Variants in PRR12 observed in about 807,000 individuals in gnomAD.
PRR12 encodes proline-rich protein 12.
PRR12 carries 12 observed loss-of-function variants against 138.0 expected under a neutral mutation model. The ratio of observed to expected loss-of-function variants is 0.09; its 90% CI spans 0.06 to 0.14. The LOEUF is 0.14. PRR12 is among the 10% of genes least tolerant of loss of function. The pLI is 1.00. For missense variants in PRR12, 2,692 were observed against 2,861.3 expected (o/e 0.94, Z 1.35); for synonymous variants, 1,567 against 1,291.7 (o/e 1.21, Z -4.57).
rs1207709273 is a variant in PRR12 at position 49,616,025 on chromosome 19, A to G, written c.5303A>G (p.Glu1768Gly). The G allele has an allele frequency of 1.3e-6, 2 of 1,554,800 alleles. No homozygotes were observed. Among genetic ancestry groups the G allele is most frequent in the East Asian group, 2.4e-5 (1 of 41,042 alleles). Residue 1768 changes from glutamate to glycine, a missense_variant, in exon 9 of 14, where the codon GAG (glutamate) becomes GGG (glycine). Glu to Gly is a moderately conservative substitution (Grantham distance 98, BLOSUM62 -2). Around this residue, in one of 11 missense-constraint regions of PRR12, gnomAD observed 259 missense variants for 265.1 expected, o/e 0.98. Coordinates refer to ENST00000418929, the MANE Select transcript of PRR12 (RefSeq NM_020719.3). The surrounding 1 kb of genome is among the most constrained non-coding windows in gnomAD (Gnocchi z 4.2). ...RATSGRQTRP[E>G]RSLATGQPAT... ...ACCAGCGGACGGCAGACACGGCCAG[A>G]GCGGAGTCTCGCCACGGGACAACCT... is the stretch of plus-strand genomic sequence containing the variant.
rs377033851 is a variant in PRR12, at chr19:49,596,765, C to T, written c.2430C>T (p.Pro810=). 34 of 1,604,310 alleles carry T rather than the reference C, an allele frequency of 2.1e-5. 1 individual carries two copies. The African/African-American group carries it at 2.8e-4, about 13-fold the overall frequency. Residue 810 remains proline, a synonymous_variant, in exon 4 of 14, where the codon CCC becomes CCT. Coordinates refer to ENST00000418929, the MANE Select transcript of PRR12 (RefSeq NM_020719.3). The surrounding 1 kb of genome is among the most constrained non-coding windows in gnomAD (Gnocchi z 5.6). The part of the protein sequence containing the change: ...QLLPSVLSHA[P]SPSPSASKVG... ...TCCCCTCGGTCCTCAGCCATGCCCCCAGTCCCTCTCCCAGCGCCTCCAAAG... is the reference window on the plus strand; with the variant it reads ...TCCCCTCGGTCCTCAGCCATGCCCCTAGTCCCTCTCCCAGCGCCTCCAAAG...
chr19:49,592,244 G>T (rs1020625815), intron 1 of PRR12, among the ~76,000 whole-genome samples: 9 of 152,182 alleles, frequency 5.9e-5, no homozygotes, highest in Non-Finnish European at 1.3e-4. Flanking sequence ...GTGGGCACGG[G>T]GCCCCGCCCC....
chr19:49,619,722 A>G (rs1276244816), intron 9 of PRR12, among the ~76,000 whole-genome samples: 2 of 148,548 alleles, frequency 1.3e-5, no homozygotes, highest in Admixed American at 1.4e-4. Flanking sequence ...TGTATTTCTT[A>G]GTAGAGACGG....
rs1183822577 is a variant in PRR12, at chr19:49,597,332, G to A, written c.2997G>A (p.Ser999=). 1.9e-6 allele frequency: 3 copies of A among 1,543,772 alleles called. No homozygotes were observed. The highest frequency in any genetic ancestry group is 1.4e-5 in the African/African-American group (1 of 73,138). Residue 999 remains serine, a synonymous_variant, in exon 4 of 14, where the codon TCG becomes TCA. Transcript: ENST00000418929. The surrounding 1 kb of genome is among the most constrained non-coding windows in gnomAD (Gnocchi z 6.3). ...GGCCCTACTGTCCTGGCCGGGCGTC[G>A]GGAGCCGGGCCCGAGACACCGGGCC... The part of the protein sequence containing the change: ...PYGPYCPGRA[S]GAGPETPGLG...
In PRR12 at chr19:49,624,513, T is replaced by C. The variant is rs535455389; in HGVS notation, c.5722-331T>C. On this transcript the variant is annotated intron_variant, in intron 11 of 13. Coordinates refer to ENST00000418929, the MANE Select transcript of PRR12 (RefSeq NM_020719.3). ...CTGGGGTAGGTGGTTAGGATGGGGC[T>C]GAGAATTCTGGGATAGATGGTTAGG... Among the ~76,000 whole-genome samples, 419 of 147,190 alleles carry C rather than the reference T, an allele frequency of 2.8e-3. 3 individuals carry two copies. Among genetic ancestry groups the C allele is most frequent in the South Asian group, 0.023 (109 of 4,734 alleles).
chr19:49,593,859 C>A (rs536296340), intron 2 of PRR12, among the ~76,000 whole-genome samples: 6 of 152,254 alleles, frequency 3.9e-5, no homozygotes, highest in African/African-American at 1.2e-4. Flanking sequence ...TCTTATTTTG[C>A]CCCATTGCCT....
intron 9 of PRR12, among the ~76,000 whole-genome samples, chr19:49,618,036 T>A (rs2080901839): frequency 6.6e-6 from 1 of 152,148 alleles, no homozygotes; most frequent in Non-Finnish European, 1.5e-5. Flanking sequence ...AGGCAGAGGT[T>A]GCAGTGAGCT....
rs1322107889 is a variant in PRR12 at position 49,614,748 on chromosome 19, A to G, written c.4890+99A>G. The G allele has an allele frequency of 6.0e-6, 9 of 1,492,096 alleles. No homozygotes were observed. In the Admixed American group the frequency reaches 9.8e-5, roughly 16 times the overall value. 92.4% of individuals were successfully genotyped at this position (1,492,096 alleles called of 1,614,324 possible). A position where few individuals can be genotyped will look rare whatever the true frequency, so the allele number is the denominator to read the frequency against. On this transcript the variant is annotated intron_variant, in intron 7 of 13. Coordinates refer to ENST00000418929, the MANE Select transcript of PRR12 (RefSeq NM_020719.3). This position sits in a 1 kb window ranked among gnomAD's most constrained non-coding sequence, Gnocchi z 5.0. ...GTGGCTGTGACTCACTCCACAGTGT[A>G]TCTGGAAGGGGGCCCCCTGCTGCCG...
chr19:49,593,558 C>G, intron 2 of PRR12, 119 bp downstream of exon 2: 1 of 596,094 alleles, frequency 1.7e-6, no homozygotes, highest in South Asian at 1.9e-5. Context: ...TGGCCCGCCC[C>G]TTGCTGTGTC....
chr19:49,612,227 T>TAA (rs1180551925), intron 6 of PRR12, among the ~76,000 whole-genome samples: 1 of 109,474 alleles, frequency 9.1e-6, no homozygotes, highest in African/African-American at 3.7e-5. Flanking sequence ...AGACTCTGTC[T>TAA]CAAAAAAAAA....
chr19:49,622,500 G>C (rs2080928277), intron 11 of PRR12, among the ~76,000 whole-genome samples: 1 of 151,692 alleles, frequency 6.6e-6, no homozygotes, highest in African/African-American at 2.4e-5. Context: ...GCTGAGGCAG[G>C]AGAATCAGTT....
In PRR12 at chr19:49,625,780, T is replaced by G; in HGVS notation, c.*173T>G. On this transcript the variant is annotated 3_prime_UTR_variant, in exon 14 of 14. Transcript: ENST00000418929. The surrounding 1 kb of genome is among the most constrained non-coding windows in gnomAD (Gnocchi z 5.5). The stretch of plus-strand genomic sequence containing the variant: ...GGTTCAAAGTCCGACTCCCCCCCTC[T>G]CCCAAGCCCCCTCCACTCCCTCCCC... 4.3e-6 allele frequency: 3 copies of G among 702,054 alleles called. No individual in the cohort carries two copies. Among genetic ancestry groups the G allele is most frequent in the Non-Finnish European group, 6.4e-6 (3 of 471,394 alleles). 43.5% of individuals were successfully genotyped at this position (702,054 alleles called of 1,614,324 possible).
In PRR12 at chr19:49,625,446, G is replaced by A. The variant is rs2080949914; in HGVS notation, c.5965-15G>A. ...GGTGTGCCACCCTCCCCAGTGCCAT[G>A]TTTGACCCCTGCAGACCCTGGCCAT... On this transcript the variant is annotated splice_polypyrimidine_tract_variant and intron_variant, in intron 13 of 13. Coordinates refer to ENST00000418929, the MANE Select transcript of PRR12 (RefSeq NM_020719.3). The surrounding 1 kb of genome is among the most constrained non-coding windows in gnomAD (Gnocchi z 5.5). 1 of 1,596,744 alleles carries A rather than the reference G, an allele frequency of 6.3e-7. No homozygotes were observed. Among genetic ancestry groups the A allele is most frequent in the East Asian group, 2.3e-5 (1 of 44,442 alleles).
rs748231541 is a variant in PRR12, at chr19:49,596,567, C to T, written c.2232C>T (p.Thr744=). 69 of 1,602,128 alleles carry T rather than the reference C, an allele frequency of 4.3e-5. No individual in the cohort carries two copies. The highest frequency in any genetic ancestry group is 5.4e-5 in the Non-Finnish European group (64 of 1,175,166). ...RGGETPEGLA[T]SVVHYGAGAK... ...GCGAGACCCCCGAGGGGCTGGCCAC[C>T]TCTGTTGTCCACTACGGGGCAGGCG... The change falls in exon 4 of 14, where the codon ACC becomes ACT. Residue 744 remains threonine (T), a synonymous_variant. Coordinates refer to ENST00000418929, the MANE Select transcript of PRR12 (RefSeq NM_020719.3). The surrounding 1 kb of genome is among the most constrained non-coding windows in gnomAD (Gnocchi z 5.6).
chr19:49,598,056 C>T, intron 4 of PRR12, 43 bp downstream of exon 4: 3 of 1,274,276 alleles, frequency 2.4e-6, no homozygotes, highest in Non-Finnish European at 2.0e-6. Flanking sequence ...GGAGGAGGAG[C>T]TGTGTCCGAT....
In PRR12 at chr19:49,594,157, T is replaced by C. The variant is rs934656220; in HGVS notation, c.200-297T>C. ...CTTACTGAGGACTCTGTTCTTTTGC[T>C]CCTGGCTCTTTCGCTTCTAGATTTT... is the stretch of plus-strand genomic sequence containing the variant. On this transcript the variant is annotated intron_variant, in intron 2 of 13. Transcript: ENST00000418929. This position sits in a 1 kb window ranked among gnomAD's most constrained non-coding sequence, Gnocchi z 5.6. Among the ~76,000 whole-genome samples the C allele has an allele frequency of 6.6e-6, 1 of 152,218 alleles. No homozygotes were observed. Among genetic ancestry groups the C allele is most frequent in the Non-Finnish European group, 1.5e-5 (1 of 68,048 alleles).
At position 49,596,220 on chromosome 19, in the gene PRR12, G is replaced by A; in HGVS notation, c.1885G>A (p.Gly629Ser). ...GDGSELLAGP[G>S]GPPAERTEDE... ...TGGCTCGGAGCTGCTGGCGGGCCCA[G>A]GTGGGCCTCCTGCGGAGCGCACAGA... The change falls in exon 4 of 14, where the codon GGT becomes AGT. Residue 629 changes from glycine (G) to serine (S), a missense_variant. By Grantham distance (56) the Gly-to-Ser change is moderately conservative. Coordinates refer to ENST00000418929, the MANE Select transcript of PRR12 (RefSeq NM_020719.3). The surrounding 1 kb of genome is among the most constrained non-coding windows in gnomAD (Gnocchi z 5.6). The A allele has an allele frequency of 8.1e-6, 13 of 1,610,876 alleles. No homozygotes were observed. Among genetic ancestry groups the A allele is most frequent in the Non-Finnish European group, 1.1e-5 (13 of 1,179,740 alleles).
chr19:49,620,268 C>T, intron 9 of PRR12, 84 bp from the exon 10 acceptor site: 1 of 1,558,678 alleles, frequency 6.4e-7, no homozygotes, highest in Non-Finnish European at 8.7e-7. Flanking sequence ...CTCTTCCGGT[C>T]CCCAGTGTTG....
In PRR12 at chr19:49,601,573, G is replaced by C; in HGVS notation, c.4428G>C (p.Pro1476=). The change falls in exon 6 of 14, where the codon CCG becomes CCC. Residue 1476 remains proline (P), a synonymous_variant. Transcript: ENST00000418929. ...TPQPQPPPPP[P]PPQPALPSPP... ...AGCCTCAGCCTCCGCCACCCCCTCC[G>C]CCGCCACAGCCAGCCCTGCCCTCGC... 1.7e-6 allele frequency: 2 copies of C among 1,188,564 alleles called. No individual in the cohort carries two copies. The highest frequency in any genetic ancestry group is 2.2e-6 in the Non-Finnish European group (2 of 920,958). The allele number at this position is 1,188,564 out of a possible 1,614,324, so 73.6% of individuals were successfully genotyped here. A position where few individuals can be genotyped will look rare whatever the true frequency, so the allele number is the denominator to read the frequency against.
Sources: allele counts gnomAD v4.1 joint callset (sites outside exome capture counted in the v4.1 genomes callset), GRCh38; gene constraint gnomAD v4.1.1; regional missense constraint gnomAD v4.1.1; non-coding constraint Gnocchi (gnomAD v3.1); transcripts MANE v1.5; gene names NCBI Gene and HGNC (gene_info 2026-07-23, HGNC 2026-07-21).